PARVA: variants seen among roughly 807,000 people sequenced by gnomAD.
PARVA encodes the protein alpha-parvin.
Under a neutral mutation model 52.6 loss-of-function variants are expected in PARVA, and 25 were observed. The observed-to-expected ratio is 0.48, with a 90% CI of 0.35 to 0.66. PARVA has a LOEUF of 0.66. PARVA is among the 30% of genes least tolerant of loss of function. PARVA has a pLI of 0.01. For missense variants in PARVA, 373 were observed against 450.9 expected (o/e 0.83, Z 1.56); for synonymous variants, 185 against 179.1 (o/e 1.03, Z -0.26).
intron 1 of PARVA, among the ~76,000 whole-genome samples, chr11:12,453,803 A>G (rs982079245): frequency 6.6e-6 from 1 of 152,166 alleles, no homozygotes; most frequent in Non-Finnish European, 1.5e-5. Context: ...GAAAACACAC[A>G]TAACTAATAA....
intron 6 of PARVA, among the ~76,000 whole-genome samples, chr11:12,508,122 ACC>A (rs1314104761): frequency 0.026 from 2,539 of 98,534 alleles, 68 homozygotes; most frequent in African/African-American, 0.099. Context: ...AAAAAAAAAA[ACC>A]AAAAAAAAAA....
intron 10 of PARVA, among the ~76,000 whole-genome samples, chr11:12,517,306 A>T (rs914377841): frequency 1.3e-5 from 1 of 76,224 alleles, no homozygotes; most frequent in South Asian, 4.7e-4. Context: ...CACACTGACC[A>T]CCCCCCACCC....
At chr11:12,471,577 C>T (rs894294555) in intron 1 of PARVA, among the ~76,000 whole-genome samples, 1 of 108,580 alleles carries the variant, frequency 9.2e-6, no homozygotes, top group African/African-American at 3.4e-5. Flanking sequence ...GAGCTGGAGG[C>T]CATTATCCTT....
chr11:12,451,131 T>C (rs768306425), intron 1 of PARVA, among the ~76,000 whole-genome samples: 1 of 152,232 alleles, frequency 6.6e-6, no homozygotes, highest in South Asian at 2.1e-4. Flanking sequence ...CTTGCCCTGA[T>C]GCTTTCCTGT....
rs545713250 is a variant in PARVA, at chr11:12,530,752, G to T, written c.*2827G>T. ...CACTTAATGTTATATCTTGGATATT[G>T]TATTACCCTGGGTATTAAAAAGAAC... On this transcript the variant is annotated 3_prime_UTR_variant, in exon 13 of 13. Coordinates refer to ENST00000334956, the MANE Select transcript of PARVA (RefSeq NM_018222.5). 6.6e-6 allele frequency: 1 copy of T among 152,032 alleles called. No individual in the cohort carries two copies. Among genetic ancestry groups the T allele is most frequent in the Non-Finnish European group, 1.5e-5 (1 of 68,010 alleles). 9.4% of individuals were successfully genotyped at this position (152,032 alleles called of 1,614,324 possible).
intron 1 of PARVA, among the ~76,000 whole-genome samples, chr11:12,431,139 A>G (rs1940309332): frequency 1.3e-5 from 2 of 152,140 alleles, no homozygotes; most frequent in African/African-American, 4.8e-5. Flanking sequence ...GTGGTTGATA[A>G]ATAGCTGATC....
At position 12,514,041 on chromosome 11, in the gene PARVA, G is replaced by A; in HGVS notation, c.843G>A (p.Leu281=). 1.2e-6 allele frequency: 2 copies of A among 1,614,008 alleles called. No homozygotes were observed. Among genetic ancestry groups the A allele is most frequent in the Non-Finnish European group, 1.7e-6 (2 of 1,179,892 alleles). The change falls in exon 10 of 13, where the codon CTG becomes CTA. Residue 281 remains leucine, a synonymous_variant. Coordinates refer to ENST00000334956, the MANE Select transcript of PARVA (RefSeq NM_018222.5). ...FVNKHLNKLN[L]EVTELETQFA... is the part of the protein sequence containing the mutation. ...ACAAGCACCTGAATAAACTGAACCT[G>A]GAGGTCACAGAACTGGAAACCCAGG...
At chr11:12,435,030 G>A (rs1020235882) in intron 1 of PARVA, among the ~76,000 whole-genome samples, 1 of 152,106 alleles carries the variant, frequency 6.6e-6, no homozygotes, top group African/African-American at 2.4e-5. Context: ...TATAGATAAG[G>A]TGCTGCTTTT....
intron 1 of PARVA, among the ~76,000 whole-genome samples, chr11:12,445,895 C>A (rs1456373185): frequency 1.3e-5 from 2 of 152,082 alleles, no homozygotes; most frequent in African/African-American, 4.8e-5. Flanking sequence ...TCAGTGTATC[C>A]CTATACCGCA....
At position 12,414,599 on chromosome 11, in the gene PARVA, G is replaced by A. The variant is rs566945960; in HGVS notation, c.136+36816G>A. Among the ~76,000 whole-genome samples, 5 of 151,862 alleles carry A rather than the reference G, an allele frequency of 3.3e-5. No individual in the cohort carries two copies. In the East Asian group the frequency reaches 9.7e-4, roughly 29 times the overall value. ...GCACCATGATCTGACTTGGTAGCCG[G>A]AGAAATGCATTCTTGTCTTATGGCT... On this transcript the variant is annotated intron_variant, in intron 1 of 12. Coordinates refer to ENST00000334956, the MANE Select transcript of PARVA (RefSeq NM_018222.5).
intron 4 of PARVA, 104 bp from the exon 5 acceptor site, chr11:12,496,354 G>T (rs1385727428): frequency 8.6e-7 from 1 of 1,166,062 alleles, no homozygotes; most frequent in African/African-American, 1.5e-5. Flanking sequence ...AAGAGTGCAT[G>T]CATGCATGAG....
intron 4 of PARVA, among the ~76,000 whole-genome samples, chr11:12,494,399 T>A (rs1941271517): frequency 6.6e-6 from 1 of 152,156 alleles, no homozygotes; most frequent in African/African-American, 2.4e-5. Context: ...AGCTTCCCCA[T>A]CCTCAGAGCT....
chr11:12,457,330 G>A (rs1940711247), intron 1 of PARVA, among the ~76,000 whole-genome samples: 1 of 152,210 alleles, frequency 6.6e-6, no homozygotes, highest in South Asian at 2.1e-4. Flanking sequence ...GCTGCAATGG[G>A]TCTGTGCTGC....
rs1051590278 is a variant in PARVA, at chr11:12,531,293, A to G, written c.*3368A>G. On this transcript the variant is annotated 3_prime_UTR_variant, in exon 13 of 13. Coordinates refer to ENST00000334956, the MANE Select transcript of PARVA (RefSeq NM_018222.5). Reference sequence around the variant, plus strand: ...TTGGTTGCAATTTTCAATTGCTGCTATTGGTGCTTTTTAATTATGAATTAC... The same window carrying G: ...TTGGTTGCAATTTTCAATTGCTGCTGTTGGTGCTTTTTAATTATGAATTAC... Among the ~76,000 whole-genome samples, 1 of 152,164 alleles carries G rather than the reference A, an allele frequency of 6.6e-6. No homozygotes were observed. Among genetic ancestry groups the G allele is most frequent in the African/African-American group, 2.4e-5 (1 of 41,436 alleles).
At chr11:12,502,446 A>G (rs995466353) in intron 5 of PARVA, among the ~76,000 whole-genome samples, 2 of 152,118 alleles carry the variant, frequency 1.3e-5, no homozygotes, top group Non-Finnish European at 2.9e-5. Flanking sequence ...GCCCCCTGTA[A>G]TGAAGAGCCG....
chr11:12,423,544 C>G (rs887395448), intron 1 of PARVA, among the ~76,000 whole-genome samples: 2 of 152,128 alleles, frequency 1.3e-5, no homozygotes, highest in African/African-American at 2.4e-5. Context: ...ATGAATTTCT[C>G]TCTCTGCTAT....
chr11:12,416,520 TCA>T (rs535521075), intron 1 of PARVA, among the ~76,000 whole-genome samples: 290 of 152,266 alleles, frequency 1.9e-3, no homozygotes, highest in African/African-American at 6.7e-3. Flanking sequence ...CCTGAAGATT[TCA>T]CAGACAGCTT....
Position 12,377,735 on chromosome 11 carries a change from T to C in PARVA, c.88T>C (p.Leu30=), listed in dbSNP as rs758183508. The change falls in exon 1 of 13, where the codon TTG becomes CTG. Residue 30 remains leucine (L), a synonymous_variant. Coordinates refer to ENST00000334956, the MANE Select transcript of PARVA (RefSeq NM_018222.5). Reference sequence around the variant, plus strand: ...GTCCCGCAAGAAAGATGATTCCTTCTTGGGGAAACTCGGAGGGACCCTGGC... The same window carrying C: ...GTCCCGCAAGAAAGATGATTCCTTCCTGGGGAAACTCGGAGGGACCCTGGC... The part of the protein sequence containing the change: ...PPSRKKDDSF[L]GKLGGTLARR... 18 of 1,559,600 alleles carry C rather than the reference T, an allele frequency of 1.2e-5. No individual in the cohort carries two copies. Among genetic ancestry groups the C allele is most frequent in the Admixed American group, 1.9e-5 (1 of 51,726 alleles).
chr11:12,384,791 C>T (rs1377560529), intron 1 of PARVA, among the ~76,000 whole-genome samples: 1 of 151,998 alleles, frequency 6.6e-6, no homozygotes, highest in African/African-American at 2.4e-5. Flanking sequence ...AGAGAGTGAG[C>T]ATGATTGTGG....
Sources: allele counts gnomAD v4.1 joint callset (sites outside exome capture counted in the v4.1 genomes callset), GRCh38; gene constraint gnomAD v4.1.1; transcripts MANE v1.5; gene names NCBI Gene and HGNC (gene_info 2026-07-23, HGNC 2026-07-21).